Variants in LINGO2 observed in about 807,000 individuals in gnomAD.
LINGO2 encodes leucine-rich repeat and immunoglobulin-like domain-containing nogo receptor-interacting protein 2.
Under a neutral mutation model 30.6 loss-of-function variants are expected in LINGO2, and 14 were observed. The ratio of observed to expected loss-of-function variants is 0.46; its 90% CI spans 0.30 to 0.72. The LOEUF is 0.72. LINGO2 is among the 30% of genes least tolerant of loss of function. LINGO2 has a pLI of 0.07. For missense variants in LINGO2, 729 were observed against 751.7 expected (o/e 0.97, Z 0.35); for synonymous variants, 317 against 288.5 (o/e 1.10, Z -1.00).
chr9:28,575,602 A>G (rs1321532810), intron 1 of LINGO2, among the ~76,000 whole-genome samples: 2 of 151,986 alleles, frequency 1.3e-5, no homozygotes, highest in Non-Finnish European at 2.9e-5. Flanking sequence ...TATGCCCGCT[A>G]CCTGGGTGAC....
chr9:28,966,028 T>C, the LINGO2 span, among the ~76,000 whole-genome samples: 2 of 152,160 alleles, frequency 1.3e-5, no homozygotes, highest in Non-Finnish European at 2.9e-5. Flanking sequence ...CACAGACCTA[T>C]TGATTTAGAT....
At chr9:28,096,583 A>G (rs1826248092) in intron 4 of LINGO2, among the ~76,000 whole-genome samples, 1 of 152,120 alleles carries the variant, frequency 6.6e-6, no homozygotes, top group Non-Finnish European at 1.5e-5. Flanking sequence ...ACAGAGAGAC[A>G]GCACTAATGA....
intron 1 of LINGO2, among the ~76,000 whole-genome samples, chr9:28,557,740 A>G (rs1463422537): frequency 6.7e-6 from 1 of 150,208 alleles, no homozygotes; most frequent in Non-Finnish European, 1.5e-5. Flanking sequence ...AAGACTTGGA[A>G]CCAACCCAAA....
At chr9:28,052,139 A>G (rs1048983391) in intron 4 of LINGO2, among the ~76,000 whole-genome samples, 2 of 152,220 alleles carry the variant, frequency 1.3e-5, no homozygotes, top group South Asian at 4.1e-4. Flanking sequence ...AATTCGTTAA[A>G]GAAGCACATA....
chr9:28,258,277 G>T (rs1381810711), intron 4 of LINGO2, among the ~76,000 whole-genome samples: 1 of 151,714 alleles, frequency 6.6e-6, no homozygotes, highest in African/African-American at 2.4e-5. Flanking sequence ...TTAATTAAGG[G>T]TCATAGGAGA....
chr9:29,197,381 C>T, the LINGO2 span, among the ~76,000 whole-genome samples: 29 of 151,936 alleles, frequency 1.9e-4, no homozygotes, highest in Non-Finnish European at 3.1e-4. Flanking sequence ...CAAAAGTATT[C>T]TGTATGATAA....
chr9:28,990,753 G>C, the LINGO2 span, among the ~76,000 whole-genome samples: 2 of 86,552 alleles, frequency 2.3e-5, no homozygotes, highest in Non-Finnish European at 6.0e-5. Context: ...ACAGGGTCTG[G>C]AGTGGACCTT....
chr9:28,546,437 G>C (rs185716983), intron 1 of LINGO2, among the ~76,000 whole-genome samples: 4 of 152,200 alleles, frequency 2.6e-5, no homozygotes, highest in Admixed American at 2.0e-4. Flanking sequence ...GTAATAGACT[G>C]AGTGAGGGAA....
At chr9:28,189,342 AG>A (rs1819681618) in intron 4 of LINGO2, among the ~76,000 whole-genome samples, 2 of 46,382 alleles carry the variant, frequency 4.3e-5, no homozygotes, top group African/African-American at 1.0e-4. Context: ...GAAGGAAGGA[AG>A]GGAGGAAGGA....
intron 2 of LINGO2, among the ~76,000 whole-genome samples, chr9:28,433,540 A>G (rs941440497): frequency 3.3e-5 from 5 of 152,156 alleles, no homozygotes; most frequent in Non-Finnish European, 7.4e-5. Flanking sequence ...GAAAGCAAAT[A>G]AAGAAATCTT....
upstream of LINGO2, among the ~76,000 whole-genome samples, chr9:28,670,662 G>A (rs1027631426): frequency 1.3e-5 from 2 of 152,028 alleles, no homozygotes; most frequent in Admixed American, 1.3e-4. Flanking sequence ...GAAGTAGAGG[G>A]TTTAGCTTTT....
chr9:29,170,079 A>G, the LINGO2 span, among the ~76,000 whole-genome samples: 21 of 152,184 alleles, frequency 1.4e-4, no homozygotes, highest in Non-Finnish European at 2.4e-4. Flanking sequence ...CTAATATTCA[A>G]TTCAGCAATC....
intron 5 of LINGO2, among the ~76,000 whole-genome samples, chr9:27,984,557 G>C (rs1158208810): frequency 6.6e-6 from 1 of 151,832 alleles, no homozygotes; most frequent in Admixed American, 6.6e-5. Flanking sequence ...TGGTCTGAGG[G>C]AATATAGAAA....
the LINGO2 span, among the ~76,000 whole-genome samples, chr9:28,777,394 T>C: frequency 1.3e-5 from 2 of 152,310 alleles, no homozygotes; most frequent in Admixed American, 6.5e-5. Flanking sequence ...ACCACCAGTT[T>C]ACATTCTAGG....
At chr9:28,902,692 G>A in the LINGO2 span, among the ~76,000 whole-genome samples, 1 of 151,990 alleles carries the variant, frequency 6.6e-6, no homozygotes, top group Non-Finnish European at 1.5e-5. Flanking sequence ...TATCCCTTCT[G>A]ACCAAAACAG....
chr9:28,885,748 C>T, the LINGO2 span, among the ~76,000 whole-genome samples: 1 of 152,064 alleles, frequency 6.6e-6, no homozygotes, highest in Non-Finnish European at 1.5e-5. Flanking sequence ...AGGGGTAGAA[C>T]AGCTATCCTT....
intron 4 of LINGO2, among the ~76,000 whole-genome samples, chr9:28,160,484 A>G (rs1021404849): frequency 6.6e-6 from 1 of 152,190 alleles, no homozygotes; most frequent in Non-Finnish European, 1.5e-5. Context: ...TGTTCCTTTT[A>G]TATCAGTCTA....
At chr9:28,496,003 G>T (rs1195095947) in intron 1 of LINGO2, among the ~76,000 whole-genome samples, 1 of 152,064 alleles carries the variant, frequency 6.6e-6, no homozygotes, top group Non-Finnish European at 1.5e-5. Flanking sequence ...GTTCTAGTTT[G>T]ATTGCACTGT....
intron 1 of LINGO2, among the ~76,000 whole-genome samples, chr9:28,604,941 T>A (rs1352433636): frequency 1.3e-5 from 2 of 152,048 alleles, no homozygotes; most frequent in Admixed American, 1.3e-4. Flanking sequence ...GCACTATTTT[T>A]ATTTGCATTT....
Sources: allele counts gnomAD v4.1 joint callset (sites outside exome capture counted in the v4.1 genomes callset), GRCh38; gene constraint gnomAD v4.1.1; transcripts MANE v1.5; gene names NCBI Gene and HGNC (gene_info 2026-07-23, HGNC 2026-07-21).